MAPKAP1: variants seen among roughly 807,000 people sequenced by gnomAD.
MAPKAP1 encodes MAPK associated protein 1.
Under a neutral mutation model 65.7 loss-of-function variants are expected in MAPKAP1, and 20 were observed. The ratio of observed to expected loss-of-function variants is 0.30; its 90% CI spans 0.21 to 0.44. The LOEUF (loss-of-function observed/expected upper bound fraction) is 0.44, where lower values mean the gene tolerates loss of function less well. Ranked by LOEUF, MAPKAP1 falls within the 20% of genes least tolerant of loss-of-function variation. The pLI, the probability that MAPKAP1 is intolerant of heterozygous loss-of-function variation, is 1.00. For missense variants in MAPKAP1, 423 were observed against 648.0 expected (o/e 0.65, Z 3.77); for synonymous variants, 222 against 244.3 (o/e 0.91, Z 0.85).
intron 9 of MAPKAP1, among the ~76,000 whole-genome samples, chr9:125,478,363 T>C (rs1206041359): frequency 1.3e-5 from 2 of 152,148 alleles, no homozygotes; most frequent in Non-Finnish European, 2.9e-5. Flanking sequence ...GGTCTTGCTT[T>C]GTTACTCAAG....
At chr9:125,672,730 T>C (rs1364592443) in intron 1 of MAPKAP1, 87 bp from the exon 2 acceptor site, 12 of 801,186 alleles carry the variant, frequency 1.5e-5, no homozygotes, top group Non-Finnish European at 2.2e-5. Context: ...TGTAGTAAAA[T>C]GCCACCTTGA....
rs978568358 is a variant in MAPKAP1, at chr9:125,543,161, C to T, written c.856G>A (p.Ala286Thr). ...KESLFVRINA[A>T]HGFSLIQVDN... ...ACCTGAATAAGGGAGAATCCATGAG[C>T]AGCATTTCTGTAGGAAAAGACAAAT... The change falls in exon 7 of 12, where the codon GCT (alanine) becomes ACT (threonine). Residue 286 changes from alanine to threonine, a missense_variant. Coordinates refer to ENST00000265960, the MANE Select transcript of MAPKAP1 (RefSeq NM_001006617.3). The T allele has an allele frequency of 5.0e-6, 8 of 1,604,982 alleles. No homozygotes were observed. Among genetic ancestry groups the T allele is most frequent in the Non-Finnish European group, 6.8e-6 (8 of 1,171,706 alleles).
At chr9:125,603,643 G>A (rs1832368632) in intron 4 of MAPKAP1, among the ~76,000 whole-genome samples, 1 of 152,150 alleles carries the variant, frequency 6.6e-6, no homozygotes, top group South Asian at 2.1e-4. Context: ...CTCCTCTGAG[G>A]TCCTAACTAA....
chr9:125,559,417 A>G, intron 6 of MAPKAP1: 1 of 431,272 alleles, frequency 2.3e-6, no homozygotes, highest in Non-Finnish European at 4.2e-6. Context: ...TGCTTCACAC[A>G]ATGTGCCACT....
At chr9:125,568,803 G>T in intron 5 of MAPKAP1, 1 of 161,244 alleles carries the variant, frequency 6.2e-6, no homozygotes. Context: ...GATCACTGGG[G>T]CCGCTCAGGG....
intron 4 of MAPKAP1, among the ~76,000 whole-genome samples, chr9:125,622,594 C>T (rs1341284318): frequency 6.6e-6 from 1 of 151,936 alleles, no homozygotes; most frequent in Admixed American, 6.6e-5. Context: ...TGCAGGCGGG[C>T]ACCACCATGC....
At chr9:125,693,654 TACATACACACAC>T (rs1835261448) in intron 1 of MAPKAP1, among the ~76,000 whole-genome samples, 1 of 147,194 alleles carries the variant, frequency 6.8e-6, no homozygotes, top group African/African-American at 2.5e-5. Flanking sequence ...TATACACGTA[TACATACACACAC>T]ATATACACGT....
At chr9:125,543,246 G>C (rs1830308431) in intron 6 of MAPKAP1, 78 bp from the exon 7 acceptor site, 4 of 1,085,734 alleles carry the variant, frequency 3.7e-6, no homozygotes, top group Admixed American at 1.9e-5. Flanking sequence ...CTGTGTTTAA[G>C]CAAGTTTTTT....
chr9:125,460,106 C>T (rs1351551868), intron 10 of MAPKAP1, among the ~76,000 whole-genome samples: 1 of 152,114 alleles, frequency 6.6e-6, no homozygotes, highest in Non-Finnish European at 1.5e-5. Flanking sequence ...CCTGCCCTTA[C>T]CCTCTTCTCA....
At chr9:125,459,176 G>T (rs1589210793) in intron 10 of MAPKAP1, among the ~76,000 whole-genome samples, 1 of 149,136 alleles carries the variant, frequency 6.7e-6, no homozygotes, top group African/African-American at 2.5e-5. Flanking sequence ...CATCCCAGAC[G>T]GGGCGGCGGG....
chr9:125,579,534 C>G (rs1029304132), intron 5 of MAPKAP1, among the ~76,000 whole-genome samples: 10 of 152,160 alleles, frequency 6.6e-5, no homozygotes, highest in Admixed American at 6.5e-4. Context: ...CTCAGGTGAT[C>G]CACCCACCTC....
chr9:125,577,193 C>T (rs1186069662), intron 5 of MAPKAP1, among the ~76,000 whole-genome samples: 28 of 151,312 alleles, frequency 1.9e-4, no homozygotes, highest in Non-Finnish European at 2.5e-4. Context: ...ATGTGAGGAG[C>T]GTCTCTGCCC....
chr9:125,698,514 G>C (rs1835500240), intron 1 of MAPKAP1, among the ~76,000 whole-genome samples: 1 of 150,802 alleles, frequency 6.6e-6, no homozygotes. Context: ...GCAAATTTTT[G>C]TATTTTTAGT....
intron 7 of MAPKAP1, chr9:125,521,435 G>T: frequency 1.8e-6 from 2 of 1,108,130 alleles, no homozygotes; most frequent in Non-Finnish European, 1.1e-6. Context: ...TTTACATACA[G>T]TTATCTGTTG....
chr9:125,595,893 C>A lies in MAPKAP1; in HGVS notation c.499-10166G>T. ...GTGGATGCAGCCATGAATGCAAGGC[C>A]ACACAAGGTGGATCGGAGTTGTGGA... On this transcript the variant is annotated intron_variant, in intron 4 of 11. Transcript: ENST00000265960. The surrounding 1 kb of genome is among the most constrained non-coding windows in gnomAD (Gnocchi z 4.0). The A allele has an allele frequency of 8.2e-7, 1 of 1,216,132 alleles. No homozygotes were observed. Among genetic ancestry groups the A allele is most frequent in the South Asian group, 1.2e-5 (1 of 83,286 alleles). 75.3% of individuals were successfully genotyped at this position (1,216,132 alleles called of 1,614,324 possible). A position where few individuals can be genotyped will look rare whatever the true frequency, so the allele number is the denominator to read the frequency against.
intron 4 of MAPKAP1, among the ~76,000 whole-genome samples, chr9:125,653,162 T>A (rs1833939782): frequency 6.6e-6 from 1 of 152,248 alleles, no homozygotes; most frequent in Admixed American, 6.5e-5. Flanking sequence ...GGACTGGAAC[T>A]TGTAGAGAAG....
intron 4 of MAPKAP1, among the ~76,000 whole-genome samples, chr9:125,646,377 C>T (rs1833725934): frequency 6.6e-6 from 1 of 152,132 alleles, no homozygotes; most frequent in Non-Finnish European, 1.5e-5. Flanking sequence ...ATGAGTCTCA[C>T]AAATTTAGCT....
intron 6 of MAPKAP1, 68 bp from the exon 7 acceptor site, chr9:125,543,236 C>A (rs767926439): frequency 1.7e-6 from 2 of 1,194,678 alleles, no homozygotes; most frequent in Non-Finnish European, 2.5e-6. Context: ...GCAATCTTCA[C>A]TGTGTTTAAG....
At chr9:125,698,297 ATATATATAT>A (rs1835472084) in intron 1 of MAPKAP1, among the ~76,000 whole-genome samples, 1 of 10,524 alleles carries the variant, frequency 9.5e-5, no homozygotes, top group African/African-American at 4.0e-4. Flanking sequence ...AAATATATAT[ATATATATAT>A]ATATATATAT....
Sources: allele counts gnomAD v4.1 joint callset (sites outside exome capture counted in the v4.1 genomes callset), GRCh38; gene constraint gnomAD v4.1.1; non-coding constraint Gnocchi (gnomAD v3.1); transcripts MANE v1.5; gene names NCBI Gene and HGNC (gene_info 2026-07-23, HGNC 2026-07-21).